Variants in MYO9A observed in about 807,000 individuals in gnomAD.
The protein encoded by MYO9A is myosin IXA.
In MYO9A, 103 loss-of-function variants were observed where a neutral mutation model predicts 293.3. That is an observed-to-expected ratio of 0.35 (90% CI 0.30 to 0.41). The LOEUF (loss-of-function observed/expected upper bound fraction) is 0.41, where lower values mean the gene tolerates loss of function less well. Among genes scored for constraint, MYO9A ranks in the 10% least tolerant of loss-of-function variants. MYO9A has a pLI of 1.00. For synonymous variants in MYO9A, 1,001 were observed against 1,035.7 expected, an observed-to-expected ratio of 0.97 and a Z score of 0.64; for missense variants, 2,685 against 3,033.0, an observed-to-expected ratio of 0.89 and a Z score of 2.69.
intron 19 of MYO9A, among the ~76,000 whole-genome samples, chr15:71,915,115 A>G (rs1337323913): frequency 2.0e-5 from 3 of 152,152 alleles, no homozygotes; most frequent in African/African-American, 7.2e-5. Flanking sequence ...CTTATGACTC[A>G]TATTTATGTT....
At chr15:71,862,376 A>T in intron 33 of MYO9A, 124 bp downstream of exon 33, 1 of 710,290 alleles carries the variant, frequency 1.4e-6, no homozygotes, top group Non-Finnish European at 2.5e-6. Flanking sequence ...GAGTATAGCA[A>T]GAGATGAGGT....
At chr15:72,085,853 T>C (rs910774420) in intron 1 of MYO9A, among the ~76,000 whole-genome samples, 1 of 152,202 alleles carries the variant, frequency 6.6e-6, no homozygotes, top group Non-Finnish European at 1.5e-5. Context: ...TTGTGGTATA[T>C]AAGGTGGGTT....
At chr15:71,947,593 ATC>A (rs369484060) in intron 15 of MYO9A, among the ~76,000 whole-genome samples, 5 of 152,278 alleles carry the variant, frequency 3.3e-5, no homozygotes, top group African/African-American at 1.2e-4. Context: ...TCCCAGATAT[ATC>A]TGTTAATTGA....
At chr15:72,067,493 G>A (rs2079056880) in intron 1 of MYO9A, among the ~76,000 whole-genome samples, 1 of 151,932 alleles carries the variant, frequency 6.6e-6, no homozygotes, top group South Asian at 2.1e-4. Context: ...ATGCTGACCA[G>A]GCTGGTCTCA....
At chr15:72,058,644 T>A (rs371020339) in intron 1 of MYO9A, among the ~76,000 whole-genome samples, 4 of 152,334 alleles carry the variant, frequency 2.6e-5, no homozygotes, top group South Asian at 2.1e-4. Flanking sequence ...AATTATTTAA[T>A]ATTCTTTTTA....
intron 17 of MYO9A, among the ~76,000 whole-genome samples, chr15:71,934,069 T>C (rs1457581901): frequency 6.6e-6 from 1 of 152,164 alleles, no homozygotes; most frequent in Admixed American, 6.5e-5. Flanking sequence ...ATGAGATGTC[T>C]AAGTTTCATA....
intron 18 of MYO9A, among the ~76,000 whole-genome samples, chr15:71,919,543 G>T (rs909348349): frequency 6.6e-6 from 1 of 151,968 alleles, no homozygotes; most frequent in East Asian, 1.9e-4. Flanking sequence ...GTTTAGAGTA[G>T]GATTCAATAA....
At chr15:72,033,282 G>A (rs2077935489) in intron 2 of MYO9A, among the ~76,000 whole-genome samples, 1 of 152,054 alleles carries the variant, frequency 6.6e-6, no homozygotes, top group South Asian at 2.1e-4. Flanking sequence ...CTAAACTGAA[G>A]TAACAAGGAG....
chr15:72,033,530 C>G (rs1010985710), intron 2 of MYO9A, among the ~76,000 whole-genome samples: 20 of 152,106 alleles, frequency 1.3e-4, no homozygotes, highest in Non-Finnish European at 2.6e-4. Context: ...ATGCTAAGCA[C>G]AAGAAACCAG....
chr15:71,926,095 T>C (rs2058307172), intron 18 of MYO9A, among the ~76,000 whole-genome samples: 1 of 152,172 alleles, frequency 6.6e-6, no homozygotes, highest in South Asian at 2.1e-4. Flanking sequence ...TGGTTCTAGG[T>C]AGGTGCAGCA....
intron 26 of MYO9A, chr15:71,889,905 A>G (rs1055397021): frequency 6.6e-6 from 1 of 152,162 alleles, no homozygotes; most frequent in African/African-American, 2.4e-5. Flanking sequence ...ACACATATAA[A>G]TACTAAGTGT....
At chr15:71,978,921 T>C (rs1281169438) in intron 11 of MYO9A, among the ~76,000 whole-genome samples, 2 of 152,136 alleles carry the variant, frequency 1.3e-5, no homozygotes, top group African/African-American at 4.8e-5. Context: ...CTTCTATTCA[T>C]CCTTGTGATA....
At chr15:71,999,963 C>T (rs781397261) in intron 8 of MYO9A, 23 bp from the exon 9 acceptor site, 33 of 1,566,528 alleles carry the variant, frequency 2.1e-5, no homozygotes, top group Non-Finnish European at 2.9e-5. Flanking sequence ...AAAGTAAACT[C>T]AATATGTAAG....
Position 71,971,798 on chromosome 15 carries a change from T to A in MYO9A, c.1845-3673A>T, listed in dbSNP as rs111416157. 4.0e-5 allele frequency among the ~76,000 whole-genome samples: 6 copies of A among 150,030 alleles called. No individual in the cohort carries two copies. In the East Asian group the frequency reaches 7.8e-4, roughly 19 times the overall value. On this transcript the variant is annotated intron_variant, in intron 12 of 41. Transcript: ENST00000356056. ...TTGTGATATTATAAATAAATAAATA[T>A]ATATATTTATTTTTATATATATAGG...
chr15:72,085,575 C>T (rs1329522507), intron 1 of MYO9A, among the ~76,000 whole-genome samples: 2 of 152,136 alleles, frequency 1.3e-5, no homozygotes, highest in Non-Finnish European at 2.9e-5. Context: ...TGCACTCCTG[C>T]ATCTCTATGA....
Position 71,826,557 on chromosome 15 carries a change from CGGAG to C in MYO9A, c.*19_*22del. 3 of 1,551,418 alleles carry C rather than the reference CGGAG, an allele frequency of 1.9e-6. No homozygotes were observed. The highest frequency in any genetic ancestry group is 2.6e-6 in the Non-Finnish European group (3 of 1,154,288). On this transcript the variant is annotated 3_prime_UTR_variant, in exon 42 of 42. Coordinates refer to ENST00000356056, the MANE Select transcript of MYO9A (RefSeq NM_006901.4). Reference sequence around the variant, plus strand: ...AGATTTGTTTACCACTCTGTAGCCACGGAGGGACACACATCTGCCGGTTCAGACC... The same window carrying C: ...AGATTTGTTTACCACTCTGTAGCCACGGACACACATCTGCCGGTTCAGACC...
In MYO9A at chr15:71,830,090, C is replaced by T. The variant is rs774573744; in HGVS notation, c.7040+19G>A. The T allele has an allele frequency of 3.1e-6, 5 of 1,611,508 alleles. No homozygotes were observed. The African/African-American group carries it at 6.7e-5, about 22-fold the overall frequency. On this transcript the variant is annotated intron_variant, in intron 40 of 41. Transcript: ENST00000356056. ...AAAACAGACTATAACTGTCTCTCCCCTTCCTCCTGGATACTCACTTCTCCT... is the reference window on the plus strand; with the variant it reads ...AAAACAGACTATAACTGTCTCTCCCTTTCCTCCTGGATACTCACTTCTCCT...
chr15:71,927,457 G>T (rs530237467), intron 18 of MYO9A, among the ~76,000 whole-genome samples: 1 of 152,046 alleles, frequency 6.6e-6, no homozygotes, highest in African/African-American at 2.4e-5. Context: ...AGTTTTCCCC[G>T]TATGTTTTAT....
At chr15:71,867,798 T>TCTCACACACACACACACACACA (rs2056381179) in intron 32 of MYO9A, among the ~76,000 whole-genome samples, 1 of 127,542 alleles carries the variant, frequency 7.8e-6, no homozygotes, top group African/African-American at 3.0e-5. Flanking sequence ...TGGGAATCCA[T>TCTCACACACACACACACACACA]CACACACACA....
Sources: gnomAD v4.1 joint callset for allele counts (sites outside exome capture counted in the v4.1 genomes callset) on GRCh38, gnomAD v4.1.1 for gene constraint, MANE v1.5 for transcripts, NCBI Gene and HGNC (gene_info 2026-07-23, HGNC 2026-07-21) for gene names.